Variants in STPG2 observed in about 807,000 individuals in gnomAD.
The protein encoded by STPG2 is sperm tail PG-rich repeat containing 2.
A neutral mutation model predicts 54.2 loss-of-function variants in STPG2; 56 were observed. The ratio of observed to expected loss-of-function variants is 1.03; its 90% confidence interval spans 0.83 to 1.29. The LOEUF (loss-of-function observed/expected upper bound fraction) is 1.29. STPG2 is among the 50% of genes most tolerant of loss of function. The pLI, the probability that STPG2 is intolerant of heterozygous loss-of-function variation, is 0.00. For synonymous variants in STPG2, 200 were observed against 181.8 expected, an observed-to-expected ratio of 1.10 and a Z score of -0.81; for missense variants, 596 against 544.9, an observed-to-expected ratio of 1.09 and a Z score of -0.93.
At chr4:97,530,977 C>T (rs949155195) in intron 4 of STPG2, among the ~76,000 whole-genome samples, 1 of 152,034 alleles carries the variant, frequency 6.6e-6, no homozygotes, top group East Asian at 1.9e-4. Flanking sequence ...GATTAATAAC[C>T]AGAATATATA....
At chr4:98,056,018 C>T (rs1737470210) in intron 5 of STPG2, among the ~76,000 whole-genome samples, 1 of 152,154 alleles carries the variant, frequency 6.6e-6, no homozygotes, top group African/African-American at 2.4e-5. Flanking sequence ...GAGCCCATGG[C>T]AACTCCCCAC....
rs547823721 is a variant in STPG2 at position 97,673,018 on chromosome 4, G to T, written c.1320+39681C>A. 1.3e-4 allele frequency among the ~76,000 whole-genome samples: 20 copies of T among 152,334 alleles called. No homozygotes were observed. The East Asian group carries it at 3.7e-3, about 28-fold the overall frequency. On this transcript the variant is annotated intron_variant, in intron 10 of 10. Coordinates refer to ENST00000295268, the MANE Select transcript of STPG2 (RefSeq NM_174952.3). The stretch of plus-strand genomic sequence containing the variant: ...TACATTGTGTACAACACATCCTAAT[G>T]TCTGAGAGAAAGGTACATCTGTGTT...
chr4:97,739,706 A>T (rs1465383492), intron 9 of STPG2, among the ~76,000 whole-genome samples: 1 of 152,234 alleles, frequency 6.6e-6, no homozygotes, highest in African/African-American at 2.4e-5. Context: ...AGGCTCTGAA[A>T]TTGTGGCAAT....
At chr4:97,871,412 T>A (rs34831606) in intron 8 of STPG2, among the ~76,000 whole-genome samples, 8,031 of 150,366 alleles carry the variant, frequency 0.053, 291 homozygotes, top group Middle Eastern at 0.1. Flanking sequence ...AATTTTTTTT[T>A]AAAAAGGGGG....
intron 4 of STPG2, among the ~76,000 whole-genome samples, chr4:97,551,109 TG>T (rs1731957003): frequency 3.3e-5 from 5 of 151,750 alleles, no homozygotes; most frequent in African/African-American, 1.2e-4. Flanking sequence ...TTTTACAGAG[TG>T]CTGATTGGTC....
chr4:97,937,357 C>T (rs1472176788), intron 8 of STPG2, among the ~76,000 whole-genome samples: 1 of 151,938 alleles, frequency 6.6e-6, no homozygotes, highest in Non-Finnish European at 1.5e-5. Flanking sequence ...TGTTATTATC[C>T]ACCTTTCTAA....
intron 9 of STPG2, among the ~76,000 whole-genome samples, chr4:97,721,579 A>C (rs1724449817): frequency 6.6e-6 from 1 of 152,136 alleles, no homozygotes; most frequent in African/African-American, 2.4e-5. Context: ...TTTTGAAAGG[A>C]AGTATACTCT....
intron 8 of STPG2, among the ~76,000 whole-genome samples, chr4:97,904,858 C>G (rs542037346): frequency 1.3e-5 from 2 of 151,852 alleles, no homozygotes; most frequent in African/African-American, 4.8e-5. Context: ...AGGGTATCAG[C>G]GATGGAAGAT....
chr4:97,742,067 A>G (rs958555782), intron 9 of STPG2, among the ~76,000 whole-genome samples: 1 of 152,144 alleles, frequency 6.6e-6, no homozygotes, highest in Admixed American at 6.6e-5. Context: ...CTTTGTAGGG[A>G]CATGGATGAA....
At chr4:97,917,267 G>A (rs1225842164) in intron 8 of STPG2, 2 of 152,362 alleles carry the variant, frequency 1.3e-5, no homozygotes, top group South Asian at 2.1e-4. Context: ...CGGGGCGGGG[G>A]GCCACCTCTT....
chr4:98,139,035 C>T (rs1195821393), intron 1 of STPG2, among the ~76,000 whole-genome samples: 1 of 152,006 alleles, frequency 6.6e-6, no homozygotes, highest in Non-Finnish European at 1.5e-5. Flanking sequence ...GGAATATTTA[C>T]TTTAATAAGA....
intron 9 of STPG2, among the ~76,000 whole-genome samples, chr4:97,813,913 T>A (rs750422674): frequency 6.6e-6 from 1 of 152,032 alleles, no homozygotes; most frequent in Admixed American, 6.6e-5. Flanking sequence ...GTCATTCAAG[T>A]AATCAGAAAG....
intron 9 of STPG2, among the ~76,000 whole-genome samples, chr4:97,737,349 A>C (rs1412632944): frequency 6.6e-6 from 1 of 152,230 alleles, no homozygotes; most frequent in East Asian, 1.9e-4. Context: ...CAACGGAACA[A>C]AGCTGGACGG....
chr4:97,505,070 A>G (rs533045820), intron 4 of STPG2, among the ~76,000 whole-genome samples: 3 of 152,038 alleles, frequency 2.0e-5, no homozygotes, highest in African/African-American at 4.8e-5. Context: ...AGATAATCTA[A>G]GTAGGATCTT....
chr4:98,125,992 C>T (rs1739819222), intron 3 of STPG2, among the ~76,000 whole-genome samples: 1 of 152,210 alleles, frequency 6.6e-6, no homozygotes, highest in African/African-American at 2.4e-5. Flanking sequence ...CTTCCCAGTA[C>T]AGACCAGTCT....
At chr4:97,549,160 A>C (rs897564912) in intron 4 of STPG2, among the ~76,000 whole-genome samples, 8 of 152,162 alleles carry the variant, frequency 5.3e-5, no homozygotes, top group African/African-American at 1.9e-4. Flanking sequence ...TGTGGCCTTC[A>C]AATGTTATTT....
chr4:97,709,392 T>G (rs1179145344), intron 10 of STPG2, among the ~76,000 whole-genome samples: 1 of 151,614 alleles, frequency 6.6e-6, no homozygotes, highest in Non-Finnish European at 1.5e-5. Context: ...CTCACTTATA[T>G]TGTCCTACCC....
intron 9 of STPG2, among the ~76,000 whole-genome samples, chr4:97,726,911 C>T (rs1168051830): frequency 6.6e-6 from 1 of 151,722 alleles, no homozygotes; most frequent in Non-Finnish European, 1.5e-5. Context: ...TGATTCTTTT[C>T]ATTCCATCTG....
At chr4:97,445,899 A>T (rs906693329) in intron 4 of STPG2, among the ~76,000 whole-genome samples, 10 of 152,360 alleles carry the variant, frequency 6.6e-5, no homozygotes, top group African/African-American at 2.4e-4. Context: ...GATACTGAAA[A>T]GAAAAGGAAT....
Sources: gnomAD v4.1 joint callset for allele counts (sites outside exome capture counted in the v4.1 genomes callset) on GRCh38, gnomAD v4.1.1 for gene constraint, MANE v1.5 for transcripts, NCBI Gene and HGNC (gene_info 2026-07-23, HGNC 2026-07-21) for gene names.